Variants in SORCS1 observed in about 807,000 individuals in gnomAD.
The protein encoded by SORCS1 is sortilin related VPS10 domain containing receptor 1, also known as VPS10 domain-containing receptor SorCS1.
A neutral mutation model predicts 146.1 loss-of-function variants in SORCS1; 60 were observed. That is an observed-to-expected ratio of 0.41 (90% confidence interval 0.33 to 0.51). SORCS1 has a LOEUF of 0.51. Ranked by LOEUF, SORCS1 falls within the 20% of genes least tolerant of loss-of-function variation. The probability of loss-of-function intolerance (pLI) is 0.21; values close to 1 mark genes in which losing one functional copy is unlikely to be tolerated. For synonymous variants in SORCS1, 637 were observed against 584.0 expected (o/e 1.09, Z -1.31); for missense variants, 1,352 against 1,487.6 (o/e 0.91, Z 1.50).
At chr10:107,023,248 T>A (rs1434533318) in intron 1 of SORCS1, among the ~76,000 whole-genome samples, 1 of 152,214 alleles carries the variant, frequency 6.6e-6, no homozygotes, top group African/African-American at 2.4e-5. Context: ...CTTAGTACAC[T>A]GCTTTTTCAC....
At chr10:106,761,732 G>T in intron 4 of SORCS1, 71 bp from the exon 5 acceptor site, 2 of 1,262,752 alleles carry the variant, frequency 1.6e-6, no homozygotes, top group Non-Finnish European at 2.3e-6. Flanking sequence ...CAGTTCATTG[G>T]ATCAATAGTA....
chr10:106,579,377 C>A lies in SORCS1; in HGVS notation c.3363G>T (p.Lys1121Asn). 1 of 1,613,984 alleles carries A rather than the reference C, an allele frequency of 6.2e-7. No homozygotes were observed. Among genetic ancestry groups the A allele is most frequent in the Non-Finnish European group, 8.5e-7 (1 of 1,179,988 alleles). Reference protein sequence around the residue: ...FVGLAVFVIYKFKRRVALPSP... With the variant: ...FVGLAVFVIYNFKRRVALPSP... ...GATAGAGGGACACGCACCTTTTAAA[C>A]TTGTAGATGACGAACACTGCCAGCC... The change falls in exon 25 of 26, where the codon AAG becomes AAT. Residue 1121 changes from lysine (K) to asparagine (N), a missense_variant. This residue lies in a region of SORCS1 where 214 missense variants were observed against 204.8 expected (regional missense o/e 1.05). Coordinates refer to ENST00000263054, the MANE Select transcript of SORCS1 (RefSeq NM_052918.5).
intron 2 of SORCS1, among the ~76,000 whole-genome samples, chr10:106,844,790 T>C (rs1213423233): frequency 1.5e-5 from 2 of 134,892 alleles, no homozygotes. Flanking sequence ...GTCCATGTGA[T>C]CTCATTGTTC....
chr10:106,972,248 G>A (rs1004014694), intron 1 of SORCS1, among the ~76,000 whole-genome samples: 44 of 152,036 alleles, frequency 2.9e-4, no homozygotes, highest in African/African-American at 9.6e-4. Flanking sequence ...CGGGCATGGT[G>A]GCATGCACCT....
At chr10:106,745,406 G>A (rs1383240892) in intron 5 of SORCS1, among the ~76,000 whole-genome samples, 2 of 143,886 alleles carry the variant, frequency 1.4e-5, no homozygotes, top group Admixed American at 7.1e-5. Flanking sequence ...GTGAGACAAC[G>A]TCTAAAAAAA....
intron 2 of SORCS1, among the ~76,000 whole-genome samples, chr10:106,880,586 T>C (rs771144105): frequency 1.6e-4 from 24 of 152,174 alleles, no homozygotes; most frequent in Non-Finnish European, 3.2e-4. Context: ...TATAGTCTAA[T>C]AAGCTTCCTA....
chr10:107,148,342 T>TG (rs1296484790), intron 1 of SORCS1, among the ~76,000 whole-genome samples: 1 of 152,246 alleles, frequency 6.6e-6, no homozygotes, highest in East Asian at 1.9e-4. Flanking sequence ...TATTCAACTT[T>TG]GTTGTTGTAG....
intron 2 of SORCS1, among the ~76,000 whole-genome samples, chr10:106,840,603 C>T (rs1453241037): frequency 1.3e-5 from 2 of 151,946 alleles, no homozygotes; most frequent in Non-Finnish European, 1.5e-5. Context: ...AGAATGAACT[C>T]CAATTTTCAA....
chr10:106,726,586 C>T (rs1386259667), intron 6 of SORCS1, among the ~76,000 whole-genome samples: 2 of 151,888 alleles, frequency 1.3e-5, no homozygotes, highest in African/African-American at 4.8e-5. Context: ...ATGCCACAAG[C>T]CAGAAAACAG....
chr10:107,134,984 T>A (rs1214826183), intron 1 of SORCS1, among the ~76,000 whole-genome samples: 1 of 152,188 alleles, frequency 6.6e-6, no homozygotes. Flanking sequence ...TACAAATACA[T>A]CTTTCCCATA....
At chr10:106,958,361 C>A (rs184380689) in intron 1 of SORCS1, among the ~76,000 whole-genome samples, 2 of 152,352 alleles carry the variant, frequency 1.3e-5, no homozygotes, top group East Asian at 3.9e-4. Flanking sequence ...GGGATCAGTT[C>A]TAGCCACAGT....
chr10:106,882,658 C>T (rs946765102), intron 2 of SORCS1, among the ~76,000 whole-genome samples: 3 of 152,154 alleles, frequency 2.0e-5, no homozygotes, highest in African/African-American at 7.2e-5. Context: ...TACACACGCA[C>T]ACTCACACTC....
intron 17 of SORCS1, among the ~76,000 whole-genome samples, chr10:106,654,107 C>G (rs971055755): frequency 1.3e-5 from 2 of 152,140 alleles, no homozygotes; most frequent in Non-Finnish European, 2.9e-5. Context: ...AAAATTTGCC[C>G]ACCCTTTAAG....
chr10:107,011,109 C>A (rs558092584), intron 1 of SORCS1, among the ~76,000 whole-genome samples: 1 of 152,274 alleles, frequency 6.6e-6, no homozygotes, highest in East Asian at 1.9e-4. Context: ...CCCTAATCAC[C>A]AAGTAATGCT....
chr10:106,824,232 A>T (rs1037795477), intron 3 of SORCS1, among the ~76,000 whole-genome samples: 1 of 149,210 alleles, frequency 6.7e-6, no homozygotes, highest in African/African-American at 2.5e-5. Context: ...TCAACTCAGG[A>T]GGCGGAGGTT....
intron 1 of SORCS1, among the ~76,000 whole-genome samples, chr10:107,150,014 G>C (rs1411674408): frequency 6.6e-6 from 1 of 152,140 alleles, no homozygotes; most frequent in African/African-American, 2.4e-5. Flanking sequence ...GGCAAAATTA[G>C]GTGTCCCCCA....
chr10:106,748,930 A>G (rs1349077183), intron 5 of SORCS1, among the ~76,000 whole-genome samples: 1 of 152,238 alleles, frequency 6.6e-6, no homozygotes, highest in East Asian at 1.9e-4. Context: ...CTAAATATAC[A>G]TAATGTGGCA....
intron 1 of SORCS1, among the ~76,000 whole-genome samples, chr10:107,090,734 G>A (rs1964123953): frequency 6.6e-6 from 1 of 152,078 alleles, no homozygotes; most frequent in Non-Finnish European, 1.5e-5. Context: ...TTGACTATAC[G>A]CATAATTTGA....
At chr10:106,776,730 A>G (rs1310690031) in intron 3 of SORCS1, 38 bp from the exon 4 acceptor site, 2 of 1,587,382 alleles carry the variant, frequency 1.3e-6, no homozygotes, top group Non-Finnish European at 8.6e-7. Flanking sequence ...AACAACAGAA[A>G]ATTAAGTTTA....
Sources: gnomAD v4.1 joint callset for allele counts (sites outside exome capture counted in the v4.1 genomes callset) on GRCh38, gnomAD v4.1.1 for gene constraint, gnomAD v4.1.1 regional missense constraint, MANE v1.5 for transcripts, NCBI Gene and HGNC (gene_info 2026-07-23, HGNC 2026-07-21) for gene names.